Variants in MSRA observed in about 807,000 individuals in gnomAD.
The protein encoded by MSRA is methionine sulfoxide reductase A.
A neutral mutation model predicts 31.3 loss-of-function variants in MSRA; 54 were observed. The observed-to-expected ratio is 1.73, with a 90% confidence interval of 1.39 to 2.17. The LOEUF is 2.17. Ranked by LOEUF, MSRA falls within the 30% of genes most tolerant of loss-of-function variation. The pLI is 0.00. For missense variants in MSRA, 507 were observed against 300.9 expected, an observed-to-expected ratio of 1.69 and a Z score of -5.07; for synonymous variants, 169 against 116.5, an observed-to-expected ratio of 1.45 and a Z score of -2.90.
chr8:10,238,162 C>G (rs181996390), intron 2 of MSRA, among the ~76,000 whole-genome samples: 1 of 152,154 alleles, frequency 6.6e-6, no homozygotes, highest in Admixed American at 6.5e-5. Context: ...AAATAGCAGG[C>G]ACATTCTTGT....
At chr8:10,315,083 C>A (rs936152673) in intron 4 of MSRA, among the ~76,000 whole-genome samples, 2 of 152,080 alleles carry the variant, frequency 1.3e-5, no homozygotes, top group African/African-American at 4.8e-5. Context: ...TGTAGGGGAA[C>A]TGACCTTTAT....
At chr8:10,127,197 TTTC>T (rs1801566670) in intron 1 of MSRA, among the ~76,000 whole-genome samples, 2 of 152,192 alleles carry the variant, frequency 1.3e-5, no homozygotes, top group Admixed American at 1.3e-4. Context: ...ACTCTTCAAG[TTTC>T]TTAATTTTTG....
chr8:10,258,604 T>A (rs535126785), intron 3 of MSRA, among the ~76,000 whole-genome samples: 2 of 152,354 alleles, frequency 1.3e-5, no homozygotes, highest in South Asian at 4.1e-4. Flanking sequence ...GGGACTCTTG[T>A]AAGCCCTGCA....
At chr8:10,301,011 G>C (rs4240640) in intron 3 of MSRA, among the ~76,000 whole-genome samples, 24,886 of 152,110 alleles carry the variant, frequency 0.16, 2,255 homozygotes, top group African/African-American at 0.22. Flanking sequence ...CCTTGTCCCA[G>C]TGTTAACAGC....
chr8:10,422,679 C>T (rs1440843271), intron 5 of MSRA, among the ~76,000 whole-genome samples: 1 of 152,190 alleles, frequency 6.6e-6, no homozygotes, highest in Non-Finnish European at 1.5e-5. Context: ...CAGGTCATTC[C>T]TCCCCTGAAG....
chr8:10,214,942 C>T (rs1438012224), intron 2 of MSRA, among the ~76,000 whole-genome samples: 1 of 152,158 alleles, frequency 6.6e-6, no homozygotes, highest in South Asian at 2.1e-4. Flanking sequence ...TTGAAAATCT[C>T]TTTTGGTTTG....
chr8:10,211,909 A>G (rs1211367321), intron 2 of MSRA, among the ~76,000 whole-genome samples: 1 of 152,214 alleles, frequency 6.6e-6, no homozygotes, highest in Non-Finnish European at 1.5e-5. Flanking sequence ...TCCATAGTCA[A>G]GAAGATGGGT....
intron 1 of MSRA, among the ~76,000 whole-genome samples, chr8:10,121,423 G>T (rs540590462): frequency 2.6e-5 from 4 of 152,298 alleles, no homozygotes; most frequent in African/African-American, 9.6e-5. Flanking sequence ...TTCTTTTGCA[G>T]TGCTTGGCAG....
intron 5 of MSRA, among the ~76,000 whole-genome samples, chr8:10,427,845 G>A (rs1450994715): frequency 6.6e-6 from 1 of 152,234 alleles, no homozygotes; most frequent in African/African-American, 2.4e-5. Flanking sequence ...CAGACCCACA[G>A]CGTCCAAACC....
Position 10,371,193 on chromosome 8 carries a change from G to A in MSRA, c.543+51204G>A, listed in dbSNP as rs546136985. Among the ~76,000 whole-genome samples the A allele has an allele frequency of 9.8e-5, 15 of 152,286 alleles. 1 individual carries two copies. Among genetic ancestry groups the A allele is most frequent in the African/African-American group, 3.4e-4 (14 of 41,572 alleles). On this transcript the variant is annotated intron_variant, in intron 5 of 5. Coordinates refer to ENST00000317173, the MANE Select transcript of MSRA (RefSeq NM_012331.5). Reference sequence around the variant, plus strand: ...GGATATGTTATTTTGGAACAAGATCGAGAAGGATGTAAGTACCAACAGGCA... The same window carrying A: ...GGATATGTTATTTTGGAACAAGATCAAGAAGGATGTAAGTACCAACAGGCA...
At chr8:10,300,361 T>G (rs1017618235) in intron 3 of MSRA, among the ~76,000 whole-genome samples, 7 of 152,128 alleles carry the variant, frequency 4.6e-5, no homozygotes, top group Admixed American at 2.0e-4. Flanking sequence ...GTTCAAGTGA[T>G]TCTCCTGCCT....
chr8:10,340,902 C>A (rs528512077), intron 5 of MSRA, among the ~76,000 whole-genome samples: 1 of 152,146 alleles, frequency 6.6e-6, no homozygotes, highest in South Asian at 2.1e-4. Flanking sequence ...GTGTGGTAAT[C>A]AAAATGGTAT....
At chr8:10,382,727 G>T (rs1226694089) in intron 5 of MSRA, among the ~76,000 whole-genome samples, 1 of 152,176 alleles carries the variant, frequency 6.6e-6, no homozygotes, top group African/African-American at 2.4e-5. Context: ...GGTCATTCAG[G>T]GGCAAGAATG....
intron 1 of MSRA, among the ~76,000 whole-genome samples, chr8:10,132,344 C>T (rs759171560): frequency 3.5e-4 from 54 of 152,210 alleles, no homozygotes; most frequent in Non-Finnish European, 6.5e-4. Flanking sequence ...TTCTCTGAAG[C>T]GTGTTTGACT....
At position 10,226,189 on chromosome 8, in the gene MSRA, A is replaced by G. The variant is rs185890582; in HGVS notation, c.211+18288A>G. Among the ~76,000 whole-genome samples the G allele has an allele frequency of 2.0e-5, 3 of 152,344 alleles. No homozygotes were observed. In the East Asian group the frequency reaches 5.8e-4, roughly 29 times the overall value. On this transcript the variant is annotated intron_variant, in intron 2 of 5. Transcript: ENST00000317173. The stretch of plus-strand genomic sequence containing the variant: ...TATAGGGGAGGGGTCACATGTGATG[A>G]AAACACTGAGTATCTCAAACCAGCT...
At chr8:10,252,155 G>A (rs1366831998) in intron 3 of MSRA, among the ~76,000 whole-genome samples, 2 of 152,170 alleles carry the variant, frequency 1.3e-5, no homozygotes, top group African/African-American at 4.8e-5. Context: ...TTTCTTTGTC[G>A]AGTAAGGGAA....
chr8:10,242,191 A>T (rs1466375412), intron 2 of MSRA, among the ~76,000 whole-genome samples: 1 of 151,972 alleles, frequency 6.6e-6, no homozygotes, highest in African/African-American at 2.4e-5. Context: ...GAATTGCTTG[A>T]ACCCGGGAGG....
At chr8:10,330,119 T>G (rs936679230) in intron 5 of MSRA, among the ~76,000 whole-genome samples, 1 of 150,056 alleles carries the variant, frequency 6.7e-6, no homozygotes, top group Admixed American at 6.7e-5. Context: ...GAGCCCTGAC[T>G]TAATTTCTCT....
chr8:10,108,809 T>G (rs1468249073), intron 1 of MSRA, among the ~76,000 whole-genome samples: 4 of 151,964 alleles, frequency 2.6e-5, no homozygotes, highest in Non-Finnish European at 5.9e-5. Flanking sequence ...TTGGGAAATT[T>G]TTTTTTTTTA....
Sources: allele counts gnomAD v4.1 joint callset (sites outside exome capture counted in the v4.1 genomes callset), GRCh38; gene constraint gnomAD v4.1.1; transcripts MANE v1.5; gene names NCBI Gene and HGNC (gene_info 2026-07-23, HGNC 2026-07-21).